DNAAF4: variants seen among roughly 807,000 people sequenced by gnomAD.
DNAAF4 encodes dynein assembly factor 4, axonemal.
DNAAF4 carries 43 observed loss-of-function variants against 51.8 expected under a neutral mutation model. The observed-to-expected ratio is 0.83, with a 90% CI of 0.65 to 1.07. The LOEUF is 1.07. Ranked by LOEUF, DNAAF4 falls within the 50% of genes least tolerant of loss-of-function variation. DNAAF4 has a pLI of 0.00. For missense variants in DNAAF4, 581 were observed against 493.0 expected, an observed-to-expected ratio of 1.18 and a Z score of -1.69; for synonymous variants, 194 against 165.6, an observed-to-expected ratio of 1.17 and a Z score of -1.32.
intron 6 of DNAAF4, among the ~76,000 whole-genome samples, chr15:55,440,758 T>C (rs192090559): frequency 6.6e-6 from 1 of 151,764 alleles, no homozygotes; most frequent in Admixed American, 6.6e-5. Flanking sequence ...CTCGGTTCAC[T>C]GTACCCTCTG....
At chr15:55,440,384 T>C (rs566984390) in intron 6 of DNAAF4, among the ~76,000 whole-genome samples, 1 of 151,000 alleles carries the variant, frequency 6.6e-6, no homozygotes, top group East Asian at 2.0e-4. Context: ...AATATTTATA[T>C]ATATATATTT....
intron 4 of DNAAF4, among the ~76,000 whole-genome samples, chr15:55,467,880 T>C (rs7181999): frequency 0.14 from 20,964 of 151,908 alleles, 2,035 homozygotes; most frequent in African/African-American, 0.28. Flanking sequence ...TTCCCTCACA[T>C]GGGCAAGAAA....
chr15:55,433,845 TTA>T (rs1236548721), intron 8 of DNAAF4, among the ~76,000 whole-genome samples: 7 of 70,294 alleles, frequency 1.0e-4, no homozygotes, highest in South Asian at 6.4e-4. Flanking sequence ...ATATTATATA[TTA>T]TATATATTAT....
intron 4 of DNAAF4, among the ~76,000 whole-genome samples, chr15:55,478,855 A>G (rs867456315): frequency 2.6e-5 from 4 of 152,094 alleles, no homozygotes; most frequent in African/African-American, 7.2e-5. Flanking sequence ...TCCAGGCACC[A>G]CTTTGTATTA....
intron 7 of DNAAF4, among the ~76,000 whole-genome samples, chr15:55,418,941 G>T (rs56175089): frequency 0.59 from 80,767 of 135,856 alleles, 25,289 homozygotes; most frequent in East Asian, 0.74. Context: ...TTTTTTTTGA[G>T]TGAGTTGGAG....
intron 3 of DNAAF4, among the ~76,000 whole-genome samples, chr15:55,497,017 T>G (rs1421424434): frequency 6.6e-6 from 1 of 152,158 alleles, no homozygotes; most frequent in Non-Finnish European, 1.5e-5. Flanking sequence ...TCTGACAAAT[T>G]TTGTTAAAAG....
chr15:55,419,616 G>T (rs1201842923), intron 7 of DNAAF4, among the ~76,000 whole-genome samples: 1 of 152,136 alleles, frequency 6.6e-6, no homozygotes, highest in Non-Finnish European at 1.5e-5. Flanking sequence ...TTGATAGATT[G>T]AGCAAATATT....
At chr15:55,508,082 G>A (rs1292011887) in intron 1 of DNAAF4, 40 bp downstream of exon 1, 1 of 152,116 alleles carries the variant, frequency 6.6e-6, no homozygotes. Context: ...AGAACCACTA[G>A]ATTAAGGGAT....
In DNAAF4 at chr15:55,430,687, T is replaced by G; in HGVS notation, c.1246A>C (p.Thr416Pro). 1.2e-6 allele frequency: 2 copies of G among 1,612,762 alleles called. No homozygotes were observed. Among genetic ancestry groups the G allele is most frequent in the Non-Finnish European group, 1.7e-6 (2 of 1,179,348 alleles). ...AEKIRNVIQG[T>P]ELKS ...AATAGTCATTAAGATTTTAGTTCTG[T>G]TCCTTGAATTACATTCCGAATCTTC... The change falls in exon 10 of 10, where the codon ACA becomes CCA. Residue 416 changes from threonine to proline, a missense_variant. Physicochemically the swap from Thr to Pro is conservative, Grantham distance 38. Transcript: ENST00000321149.
At chr15:55,489,444 C>T (rs1277275611) in intron 4 of DNAAF4, among the ~76,000 whole-genome samples, 2 of 152,128 alleles carry the variant, frequency 1.3e-5, no homozygotes, top group East Asian at 1.9e-4. Context: ...GAGGCCAAGG[C>T]GGGTGAATCA....
chr15:55,473,372 T>TATAC (rs1228681291), intron 4 of DNAAF4, among the ~76,000 whole-genome samples: 5 of 146,414 alleles, frequency 3.4e-5, no homozygotes, highest in African/African-American at 1.2e-4. Flanking sequence ...TGTGTGTGTA[T>TATAC]ATATATATAT....
chr15:55,490,977 A>T, intron 4 of DNAAF4, 146 bp downstream of exon 4: 1 of 892,304 alleles, frequency 1.1e-6, no homozygotes, highest in Non-Finnish European at 1.6e-6. Flanking sequence ...ACACACATAT[A>T]AATAGCAGAC....
At chr15:55,453,379 C>T (rs1490703808) in intron 5 of DNAAF4, among the ~76,000 whole-genome samples, 3 of 151,962 alleles carry the variant, frequency 2.0e-5, no homozygotes, top group Non-Finnish European at 2.9e-5. Context: ...TCAGCAGACA[C>T]AACAAATAAG....
chr15:55,445,090 G>C (rs2141439347), intron 6 of DNAAF4, among the ~76,000 whole-genome samples: 1 of 148,036 alleles, frequency 6.8e-6, no homozygotes, highest in Non-Finnish European at 1.5e-5. Flanking sequence ...TTCTCAGAGA[G>C]GGGGATGTGG....
At chr15:55,473,909 T>G (rs1272612687) in intron 4 of DNAAF4, among the ~76,000 whole-genome samples, 1 of 151,916 alleles carries the variant, frequency 6.6e-6, no homozygotes, top group Non-Finnish European at 1.5e-5. Flanking sequence ...GGAGAATCTC[T>G]TGAACCTGGG....
intron 5 of DNAAF4, among the ~76,000 whole-genome samples, chr15:55,461,487 C>T (rs1432628530): frequency 2.6e-5 from 4 of 152,144 alleles, no homozygotes; most frequent in Admixed American, 2.6e-4. Flanking sequence ...AAAAGGAACA[C>T]TCAAAACTAT....
At chr15:55,443,610 A>C (rs919156484) in intron 6 of DNAAF4, among the ~76,000 whole-genome samples, 1 of 152,252 alleles carries the variant, frequency 6.6e-6, no homozygotes, top group African/African-American at 2.4e-5. Context: ...TAGATCCTTG[A>C]GGAATCGCCA....
chr15:55,446,462 C>G (rs537837549), intron 6 of DNAAF4, among the ~76,000 whole-genome samples: 18 of 141,078 alleles, frequency 1.3e-4, no homozygotes, highest in Admixed American at 4.3e-4. Context: ...GATGGGGTGG[C>G]GGTCGGGCAG....
intron 6 of DNAAF4, among the ~76,000 whole-genome samples, chr15:55,447,738 A>G (rs935155623): frequency 3.4e-5 from 5 of 145,292 alleles, no homozygotes; most frequent in Admixed American, 7.0e-5. Context: ...AGATCACGGC[A>G]GTACAGTCCA....
Sources: allele counts gnomAD v4.1 joint callset (sites outside exome capture counted in the v4.1 genomes callset), GRCh38; gene constraint gnomAD v4.1.1; transcripts MANE v1.5; gene names NCBI Gene and HGNC (gene_info 2026-07-23, HGNC 2026-07-21).